The following FBXO21 variants were observed in gnomAD, a reference collection of about 807,000 sequenced individuals.
FBXO21 encodes the protein F-box protein 21.
In FBXO21, 32 loss-of-function variants were observed where a neutral mutation model predicts 76.6. That is an observed-to-expected ratio of 0.42 (90% CI 0.32 to 0.56). The LOEUF (loss-of-function observed/expected upper bound fraction) is 0.56. FBXO21 is among the 20% of genes least tolerant of loss of function. The pLI is 0.16. For synonymous variants in FBXO21, 328 were observed against 311.5 expected, an observed-to-expected ratio of 1.05 and a Z score of -0.56; for missense variants, 586 against 797.3, an observed-to-expected ratio of 0.73 and a Z score of 3.19.
Position 117,177,658 on chromosome 12 carries a change from A to G in FBXO21, c.471-17T>C. 2 of 1,610,378 alleles carry G rather than the reference A, an allele frequency of 1.2e-6. No homozygotes were observed. Among genetic ancestry groups the G allele is most frequent in the South Asian group, 1.1e-5 (1 of 90,558 alleles). ...AAAGCTTTTCTGGAAACAAAAAGTC[A>G]GTAAGAATTAAGATTTGAAAACTTT... On this transcript the variant is annotated splice_polypyrimidine_tract_variant and intron_variant, in intron 3 of 11. Coordinates refer to ENST00000622495, the MANE Select transcript of FBXO21 (RefSeq NM_015002.3).
chr12:117,159,406 G>C (rs1955952636), intron 9 of FBXO21, among the ~76,000 whole-genome samples: 1 of 152,180 alleles, frequency 6.6e-6, no homozygotes, highest in South Asian at 2.1e-4. Flanking sequence ...TGGAGAGGTG[G>C]AGTGAGGCTG....
intron 9 of FBXO21, among the ~76,000 whole-genome samples, chr12:117,162,514 C>T (rs1264423512): frequency 3.3e-5 from 5 of 152,162 alleles, no homozygotes; most frequent in African/African-American, 7.2e-5. Flanking sequence ...TGGAAGGAGG[C>T]GTTCAGTCAG....
Position 117,172,624 on chromosome 12 carries a change from G to A in FBXO21, c.877-17C>T. The A allele has an allele frequency of 6.2e-7, 1 of 1,607,592 alleles. No homozygotes were observed. Among genetic ancestry groups the A allele is most frequent in the Non-Finnish European group, 8.5e-7 (1 of 1,174,790 alleles). ...AATCAAAACCTAAAGCAGAAAAAAT[G>A]CTTTTATTTCACTGGGATGAACTAT... On this transcript the variant is annotated splice_polypyrimidine_tract_variant and intron_variant, in intron 6 of 11. Coordinates refer to ENST00000622495, the MANE Select transcript of FBXO21 (RefSeq NM_015002.3).
At chr12:117,179,345 T>A (rs1326297460) in intron 3 of FBXO21, among the ~76,000 whole-genome samples, 6 of 152,230 alleles carry the variant, frequency 3.9e-5, no homozygotes, top group Non-Finnish European at 7.3e-5. Context: ...TCTATGGTCA[T>A]CACTTTCTTG....
At chr12:117,174,398 C>T (rs1956153318) in intron 5 of FBXO21, 57 bp from the exon 6 acceptor site, 1 of 1,575,528 alleles carries the variant, frequency 6.3e-7, no homozygotes, top group African/African-American at 1.3e-5. Context: ...TGACAGGTGC[C>T]CCAAACAACT....
chr12:117,180,362 A>G (rs1423213256), intron 3 of FBXO21, among the ~76,000 whole-genome samples: 1 of 152,252 alleles, frequency 6.6e-6, no homozygotes, highest in African/African-American at 2.4e-5. Flanking sequence ...ACATGTACAT[A>G]TGCACATGCA....
chr12:117,166,846 C>T (rs1376798535), intron 8 of FBXO21, 52 bp downstream of exon 8: 1 of 1,509,768 alleles, frequency 6.6e-7, no homozygotes, highest in Non-Finnish European at 9.2e-7. Context: ...ACAATTCAAG[C>T]CTCTAAAGAC....
At chr12:117,162,111 T>C (rs547075818) in intron 9 of FBXO21, among the ~76,000 whole-genome samples, 2 of 152,318 alleles carry the variant, frequency 1.3e-5, no homozygotes, top group East Asian at 3.9e-4. Flanking sequence ...GGGAAATTCC[T>C]GCAGGGCAGA....
chr12:117,157,886 T>C lies in FBXO21; in HGVS notation c.1504A>G (p.Met502Val). Reference sequence around the variant, plus strand: ...CCGGGCACTCACCTCTTATGCTTCATAATGAGCCCGATGGAGTAGCAGACA... The same window carrying C: ...CCGGGCACTCACCTCTTATGCTTCACAATGAGCCCGATGGAGTAGCAGACA... The part of the protein sequence containing the change: ...RDVCYSIGLI[M>V]KHKRYGYNCV... Residue 502 changes from methionine to valine, a missense_variant, in exon 10 of 12, where the codon ATG (methionine) becomes GTG (valine). This residue lies in a region of FBXO21 where 164 missense variants were observed against 236.7 expected (regional missense o/e 0.69). Coordinates refer to ENST00000622495, the MANE Select transcript of FBXO21 (RefSeq NM_015002.3). 1 of 1,607,262 alleles carries C rather than the reference T, an allele frequency of 6.2e-7. No individual in the cohort carries two copies. Among genetic ancestry groups the C allele is most frequent in the Non-Finnish European group, 8.5e-7 (1 of 1,175,116 alleles).
intron 4 of FBXO21, among the ~76,000 whole-genome samples, chr12:117,176,795 G>C (rs745397882): frequency 1.3e-5 from 2 of 151,608 alleles, no homozygotes; most frequent in Non-Finnish European, 2.9e-5. Flanking sequence ...TTAAAAAAAG[G>C]AATAGTAACA....
At chr12:117,154,592 G>C (rs1391185768) in intron 11 of FBXO21, among the ~76,000 whole-genome samples, 1 of 152,094 alleles carries the variant, frequency 6.6e-6, no homozygotes, top group African/African-American at 2.4e-5. Context: ...TTGCTGTGTT[G>C]TAGCTGGGAA....
At chr12:117,183,612 T>C (rs1486401973) in intron 3 of FBXO21, among the ~76,000 whole-genome samples, 3 of 152,338 alleles carry the variant, frequency 2.0e-5, no homozygotes, top group African/African-American at 7.2e-5. Flanking sequence ...TGTTAGATGT[T>C]AGGATTTGTT....
At chr12:117,161,775 T>C in intron 9 of FBXO21, among the ~76,000 whole-genome samples, 1 of 152,018 alleles carries the variant, frequency 6.6e-6, no homozygotes, top group Non-Finnish European at 1.5e-5. Flanking sequence ...AGGGCACAGG[T>C]GCAGGGTAGA....
intron 7 of FBXO21, among the ~76,000 whole-genome samples, chr12:117,171,138 C>A (rs1308016498): frequency 6.6e-6 from 1 of 151,752 alleles, no homozygotes; most frequent in Non-Finnish European, 1.5e-5. Context: ...CTGAGGCAGG[C>A]GGATCACTTG....
intron 11 of FBXO21, among the ~76,000 whole-genome samples, chr12:117,150,131 T>C (rs926404161): frequency 6.6e-6 from 1 of 152,082 alleles, no homozygotes; most frequent in Admixed American, 6.5e-5. Context: ...GAAAAATAAA[T>C]GCCAATCCAC....
At chr12:117,156,021 C>T in intron 10 of FBXO21, 73 bp from the exon 11 acceptor site, 2 of 1,435,854 alleles carry the variant, frequency 1.4e-6, no homozygotes, top group Non-Finnish European at 2.0e-6. Flanking sequence ...CGCGTGGCTT[C>T]TCAGCTCACA....
intron 2 of FBXO21, among the ~76,000 whole-genome samples, chr12:117,187,197 G>A (rs1287334066): frequency 1.3e-5 from 2 of 151,766 alleles, no homozygotes; most frequent in Non-Finnish European, 2.9e-5. Flanking sequence ...GAGGTGGGCG[G>A]ATCACCTGAG....
intron 3 of FBXO21, among the ~76,000 whole-genome samples, chr12:117,179,794 T>C (rs78397228): frequency 0.064 from 9,680 of 152,236 alleles, 1,029 homozygotes; most frequent in African/African-American, 0.22. Context: ...CCCTTCTTAA[T>C]TCATTAGCTG....
chr12:117,164,279 T>C (rs573461058), intron 9 of FBXO21, among the ~76,000 whole-genome samples: 46 of 100,024 alleles, frequency 4.6e-4, no homozygotes, highest in East Asian at 2.2e-3. Context: ...CTTTTCTTTT[T>C]TTTTTTTTTT....
Sources: gnomAD v4.1 joint callset for allele counts (sites outside exome capture counted in the v4.1 genomes callset) on GRCh38, gnomAD v4.1.1 for gene constraint, gnomAD v4.1.1 regional missense constraint, MANE v1.5 for transcripts, NCBI Gene and HGNC (gene_info 2026-07-23, HGNC 2026-07-21) for gene names.